Variants in CSNK2A2 observed in about 807,000 individuals in gnomAD.
The protein encoded by CSNK2A2 is casein kinase II subunit alpha'.
In CSNK2A2, 8 loss-of-function variants were observed where a neutral mutation model predicts 54.0. The observed-to-expected ratio is 0.15, with a 90% confidence interval of 0.09 to 0.27. CSNK2A2 has a LOEUF of 0.27. CSNK2A2 is among the 10% of genes least tolerant of loss of function. The probability of loss-of-function intolerance (pLI) is 1.00; values close to 1 mark genes in which losing one functional copy is unlikely to be tolerated. For synonymous variants in CSNK2A2, 141 were observed against 153.9 expected (o/e 0.92, Z 0.62); for missense variants, 242 against 439.4 (o/e 0.55, Z 4.02).
At position 58,174,792 on chromosome 16, in the gene CSNK2A2, C is replaced by T. The variant is rs1961833627; in HGVS notation, c.370-282G>A. Among the ~76,000 whole-genome samples, 4 of 152,160 alleles carry T rather than the reference C, an allele frequency of 2.6e-5. No individual in the cohort carries two copies. In the South Asian group the frequency reaches 8.3e-4, roughly 32 times the overall value. ...TAATGCTCTGTGATTTTGCCAATTACAATTATTAACCACAATTACACCATT... is the reference window on the plus strand; with the variant it reads ...TAATGCTCTGTGATTTTGCCAATTATAATTATTAACCACAATTACACCATT... On this transcript the variant is annotated intron_variant, in intron 4 of 11. Coordinates refer to ENST00000262506, the MANE Select transcript of CSNK2A2 (RefSeq NM_001896.4).
intron 5 of CSNK2A2, among the ~76,000 whole-genome samples, chr16:58,170,032 C>T (rs931580793): frequency 2.0e-5 from 3 of 151,336 alleles, no homozygotes; most frequent in East Asian, 1.9e-4. Context: ...GGCAACAAAG[C>T]GGGTCTCAAA....
At chr16:58,164,866 T>A (rs1961519026) in intron 10 of CSNK2A2, among the ~76,000 whole-genome samples, 1 of 152,172 alleles carries the variant, frequency 6.6e-6, no homozygotes, top group South Asian at 2.1e-4. Flanking sequence ...AAAGACAGCA[T>A]GTTTGTTAAG....
At chr16:58,179,371 C>T (rs1001000716) in intron 4 of CSNK2A2, among the ~76,000 whole-genome samples, 5 of 151,896 alleles carry the variant, frequency 3.3e-5, no homozygotes, top group Non-Finnish European at 7.4e-5. Context: ...TGTGGTGGTG[C>T]ACGCCTGTAG....
intron 4 of CSNK2A2, among the ~76,000 whole-genome samples, chr16:58,179,110 A>G (rs1961956739): frequency 6.6e-6 from 1 of 152,200 alleles, no homozygotes; most frequent in Admixed American, 6.5e-5. Context: ...GCATAGGAAA[A>G]CAGCCTAGTT....
chr16:58,191,236 G>C (rs773271083), intron 2 of CSNK2A2, among the ~76,000 whole-genome samples: 1 of 152,194 alleles, frequency 6.6e-6, no homozygotes, highest in South Asian at 2.1e-4. Flanking sequence ...GGTAGTTACT[G>C]TTTAATGGAT....
At chr16:58,165,861 C>T (rs1961547707) in intron 9 of CSNK2A2, among the ~76,000 whole-genome samples, 153 bp from the exon 10 acceptor site, 1 of 152,210 alleles carries the variant, frequency 6.6e-6, no homozygotes, top group African/African-American at 2.4e-5. Flanking sequence ...CCCATAGTTA[C>T]AGCATAGCAT....
rs780518314 is a variant in CSNK2A2 at position 58,187,848 on chromosome 16, G to A, written c.217-992C>T. On this transcript the variant is annotated intron_variant, in intron 2 of 11. Transcript: ENST00000262506. ...GGGGCAGGAATCAAAGCTGGAAGCT[G>A]GGCAGTCTGACTGCATGCTATACTC... 1.1e-4 allele frequency among the ~76,000 whole-genome samples: 17 copies of A among 152,252 alleles called. 1 individual carries two copies. The highest frequency in any genetic ancestry group is 5.9e-5 in the Non-Finnish European group (4 of 68,044).
Position 58,175,120 on chromosome 16 carries a change from C to T in CSNK2A2, c.370-610G>A, listed in dbSNP as rs189900525. On this transcript the variant is annotated intron_variant, in intron 4 of 11. Coordinates refer to ENST00000262506, the MANE Select transcript of CSNK2A2 (RefSeq NM_001896.4). ...AGAACATTTCACAGGCAACACCTGA[C>T]GTCTTAGGAGTGAAAAAAGACAGGG... is the stretch of plus-strand genomic sequence containing the variant. 2.6e-5 allele frequency among the ~76,000 whole-genome samples: 4 copies of T among 152,328 alleles called. No homozygotes were observed. The East Asian group carries it at 5.8e-4, about 22-fold the overall frequency.
At position 58,193,338 on chromosome 16, in the gene CSNK2A2, A is replaced by C. The variant is rs560523710; in HGVS notation, c.216+3395T>G. ...TTAACACTACCTACTGACAACACAG[A>C]ACTTAAAAAATATCTGCAAGTATGC... On this transcript the variant is annotated intron_variant, in intron 2 of 11. Coordinates refer to ENST00000262506, the MANE Select transcript of CSNK2A2 (RefSeq NM_001896.4). Among the ~76,000 whole-genome samples the C allele has an allele frequency of 1.8e-3, 275 of 152,372 alleles. 1 individual carries two copies. Among genetic ancestry groups the C allele is most frequent in the Non-Finnish European group, 3.1e-3 (212 of 68,034 alleles).
intron 4 of CSNK2A2, among the ~76,000 whole-genome samples, chr16:58,182,373 C>CAA: frequency 2.3e-4 from 3 of 12,840 alleles, no homozygotes; most frequent in Non-Finnish European, 4.2e-4. Flanking sequence ...ACTAAATATA[C>CAA]CAAAAAAAAA....
At chr16:58,172,539 T>G (rs2550353) in intron 5 of CSNK2A2, among the ~76,000 whole-genome samples, 21,058 of 152,284 alleles carry the variant, frequency 0.14, 2,006 homozygotes, top group Admixed American at 0.27. Flanking sequence ...CAAGTGTTGA[T>G]TCTGCTATAT....
chr16:58,198,026 G>A lies in CSNK2A2; in HGVS notation c.-290C>T, dbSNP rs1216746200. ...CCGCTCGGCTCGCGGCCCCCAGGAGGCGGCGGCGGCGGCACCGGCAGCGGC... is the reference window on the plus strand; with the variant it reads ...CCGCTCGGCTCGCGGCCCCCAGGAGACGGCGGCGGCGGCACCGGCAGCGGC... On this transcript the variant is annotated 5_prime_UTR_variant, in exon 1 of 12. Transcript: ENST00000262506. 6.8e-6 allele frequency: 1 copy of A among 146,694 alleles called. No homozygotes were observed. Among genetic ancestry groups the A allele is most frequent in the East Asian group, 2.0e-4 (1 of 5,066 alleles). 9.1% of individuals were successfully genotyped at this position (146,694 alleles called of 1,614,324 possible). A position where few individuals can be genotyped will look rare whatever the true frequency, so the allele number is the denominator to read the frequency against.
At chr16:58,194,970 T>C (rs1355002824) in intron 2 of CSNK2A2, among the ~76,000 whole-genome samples, 1 of 151,906 alleles carries the variant, frequency 6.6e-6, no homozygotes, top group Non-Finnish European at 1.5e-5. Context: ...ATTCTAAAAA[T>C]GCTGCCATAG....
intron 4 of CSNK2A2, among the ~76,000 whole-genome samples, chr16:58,175,911 C>A (rs1317007530): frequency 6.6e-6 from 1 of 152,180 alleles, no homozygotes; most frequent in Non-Finnish European, 1.5e-5. Context: ...GACCCCCATT[C>A]AGGCAGAACA....
chr16:58,178,318 C>T (rs1052463456), intron 4 of CSNK2A2, among the ~76,000 whole-genome samples: 5 of 150,270 alleles, frequency 3.3e-5, no homozygotes, highest in African/African-American at 1.2e-4. Flanking sequence ...GAGTCTCACT[C>T]TGTTGCCCAG....
intron 3 of CSNK2A2, among the ~76,000 whole-genome samples, chr16:58,185,710 T>C (rs1962173913): frequency 6.6e-6 from 1 of 152,238 alleles, no homozygotes; most frequent in Non-Finnish European, 1.5e-5. Context: ...CAATCTGGCA[T>C]ACAACCATCC....
Position 58,190,124 on chromosome 16 carries a change from T to C in CSNK2A2, c.217-3268A>G, listed in dbSNP as rs375327558. ...GATCTCACAGTTTCACTCTGCATGC[T>C]AGAAGAAGTCTCCGTCTGGGGTTCA... On this transcript the variant is annotated intron_variant, in intron 2 of 11. Transcript: ENST00000262506. Among the ~76,000 whole-genome samples, 32 of 152,306 alleles carry C rather than the reference T, an allele frequency of 2.1e-4. No individual in the cohort carries two copies. In the East Asian group the frequency reaches 5.6e-3, roughly 27 times the overall value.
chr16:58,190,374 TCCA>T lies in CSNK2A2; in HGVS notation c.217-3521_217-3519del, dbSNP rs150449710. The stretch of plus-strand genomic sequence containing the variant: ...ACTCTACTACCAAACTAACAAGTGC[TCCA>T]CCAAGATATTAATTTCATCACCTGC... On this transcript the variant is annotated intron_variant, in intron 2 of 11. Transcript: ENST00000262506. 7.0e-3 allele frequency among the ~76,000 whole-genome samples: 1,060 copies of T among 152,192 alleles called. 14 individuals are homozygous for T. Among genetic ancestry groups the T allele is most frequent in the African/African-American group, 0.024 (1,009 of 41,530 alleles).
chr16:58,165,837 G>A lies in CSNK2A2; in HGVS notation c.828-129C>T, dbSNP rs1353358410. 6.1e-6 allele frequency: 6 copies of A among 986,226 alleles called. No homozygotes were observed. In the Admixed American group the frequency reaches 1.9e-4, roughly 31 times the overall value. The allele number at this position is 986,226 out of a possible 1,614,324, so 61.1% of individuals were successfully genotyped here. On this transcript the variant is annotated intron_variant, in intron 9 of 11. Coordinates refer to ENST00000262506, the MANE Select transcript of CSNK2A2 (RefSeq NM_001896.4). ...CAAGCTTGTTAAATCTCTAACTGGT[G>A]CCTGCCCTACGGCCCCATAGTTACA...
Sources: gnomAD v4.1 joint callset for allele counts (sites outside exome capture counted in the v4.1 genomes callset) on GRCh38, gnomAD v4.1.1 for gene constraint, MANE v1.5 for transcripts, NCBI Gene and HGNC (gene_info 2026-07-23, HGNC 2026-07-21) for gene names.